Variants in NRG1 observed in about 807,000 individuals in gnomAD.
NRG1 encodes neuregulin 1.
Under a neutral mutation model 63.8 loss-of-function variants are expected in NRG1, and 18 were observed. That is an observed-to-expected ratio of 0.28 (90% confidence interval 0.19 to 0.42). The LOEUF is 0.42. Ranked by LOEUF, NRG1 falls within the 10% of genes least tolerant of loss-of-function variation. NRG1 has a pLI of 1.00. For missense variants in NRG1, 762 were observed against 814.7 expected, an observed-to-expected ratio of 0.94 and a Z score of 0.79; for synonymous variants, 302 against 301.3, an observed-to-expected ratio of 1.00 and a Z score of -0.02.
chr8:32,498,657 A>G (rs909346766), intron 1 of NRG1, among the ~76,000 whole-genome samples: 1 of 152,184 alleles, frequency 6.6e-6, no homozygotes, highest in Non-Finnish European at 1.5e-5. Flanking sequence ...ACAATTCAAG[A>G]TGAGATTTGG....
chr8:32,307,521 A>T (rs553237982), intron 1 of NRG1, among the ~76,000 whole-genome samples: 5 of 152,206 alleles, frequency 3.3e-5, no homozygotes, highest in African/African-American at 1.2e-4. Flanking sequence ...AACATTATAA[A>T]GTGTGAAAGT....
intron 1 of NRG1, among the ~76,000 whole-genome samples, chr8:32,488,732 C>T (rs1409549495): frequency 6.6e-6 from 1 of 152,180 alleles, no homozygotes; most frequent in East Asian, 1.9e-4. Flanking sequence ...ATCTATGGAA[C>T]AGGCAGGCAG....
intron 1 of NRG1, among the ~76,000 whole-genome samples, chr8:31,849,519 A>G (rs993895337): frequency 1.4e-4 from 21 of 152,232 alleles, no homozygotes; most frequent in African/African-American, 5.1e-4. Context: ...ACAGCTGTCC[A>G]CTGGACAAAT....
At chr8:32,557,644 A>C (rs897215482) in intron 1 of NRG1, among the ~76,000 whole-genome samples, 1 of 152,226 alleles carries the variant, frequency 6.6e-6, no homozygotes, top group East Asian at 1.9e-4. Flanking sequence ...TACAGAAAAT[A>C]GATTATGATT....
intron 1 of NRG1, among the ~76,000 whole-genome samples, chr8:32,233,514 A>G (rs1429260837): frequency 1.4e-5 from 2 of 143,896 alleles, no homozygotes; most frequent in African/African-American, 2.5e-5. Context: ...AAAGTGACAC[A>G]CTGTTGCTCA....
At chr8:31,697,096 A>G (rs1289913777) in intron 1 of NRG1, among the ~76,000 whole-genome samples, 1 of 152,086 alleles carries the variant, frequency 6.6e-6, no homozygotes, top group African/African-American at 2.4e-5. Flanking sequence ...CTTTTTCTGG[A>G]AAACTACTGG....
In NRG1 at chr8:32,043,795, A is replaced by C. The variant is rs142932714; in HGVS notation, c.37+404364A>C. Among the ~76,000 whole-genome samples the C allele has an allele frequency of 4.3e-3, 650 of 152,060 alleles. 4 individuals carry two copies. Among genetic ancestry groups the C allele is most frequent in the African/African-American group, 0.015 (619 of 41,556 alleles). On this transcript the variant is annotated intron_variant, in intron 1 of 10. Transcript: ENST00000519301. ...ACCACCAAAATTTTTTTTTGTATACACAAAGAGATACAGTAAAAAACCTGA... is the reference window on the plus strand; with the variant it reads ...ACCACCAAAATTTTTTTTTGTATACCCAAAGAGATACAGTAAAAAACCTGA...
intron 1 of NRG1, among the ~76,000 whole-genome samples, chr8:32,492,572 T>C (rs1826723686): frequency 1.3e-5 from 2 of 152,198 alleles, no homozygotes; most frequent in African/African-American, 4.8e-5. Context: ...TGTCCTTAAG[T>C]AACTTAGAAT....
intron 1 of NRG1, among the ~76,000 whole-genome samples, chr8:31,730,168 T>C (rs1330147067): frequency 6.6e-6 from 1 of 152,192 alleles, no homozygotes; most frequent in African/African-American, 2.4e-5. Context: ...GGAATGGAAA[T>C]CTGCATAGAC....
At chr8:32,748,770 T>A in intron 7 of NRG1, 1 of 451,628 alleles carries the variant, frequency 2.2e-6, no homozygotes, top group Non-Finnish European at 4.4e-6. Context: ...TTCCCACTTA[T>A]TTTTTTCCTT....
chr8:32,044,543 A>T (rs1310800520), intron 1 of NRG1, among the ~76,000 whole-genome samples: 1 of 151,800 alleles, frequency 6.6e-6, no homozygotes, highest in Non-Finnish European at 1.5e-5. Flanking sequence ...ATTTATGAAG[A>T]TAGACCTCAT....
Position 32,024,644 on chromosome 8 carries a change from G to A in NRG1, c.37+385213G>A, listed in dbSNP as rs573833434. On this transcript the variant is annotated intron_variant, in intron 1 of 10. Coordinates refer to the NRG1 transcript ENST00000519301. ...AATTGGCATCTCTGAGACTCCTGCG[G>A]GAGCCAGAAAGCTGGAATCAAAAAT... 8.5e-5 allele frequency among the ~76,000 whole-genome samples: 13 copies of A among 152,236 alleles called. No homozygotes were observed. The East Asian group carries it at 1.4e-3, about 16-fold the overall frequency.
exon 12 of NRG1, chr8:32,766,729 A>C (rs1831460621): frequency 6.6e-6 from 1 of 152,198 alleles, no homozygotes; most frequent in African/African-American, 2.4e-5. Flanking sequence ...AGGAAATTGT[A>C]TTTCTAACTT....
At chr8:31,773,083 C>A (rs532336804) in intron 1 of NRG1, among the ~76,000 whole-genome samples, 75 of 152,216 alleles carry the variant, frequency 4.9e-4, no homozygotes, top group Non-Finnish European at 7.5e-4. Flanking sequence ...GGTTGGAAAC[C>A]TGTAATTATT....
At chr8:32,549,558 G>T (rs1250814488) in intron 1 of NRG1, among the ~76,000 whole-genome samples, 2 of 152,158 alleles carry the variant, frequency 1.3e-5, no homozygotes, top group African/African-American at 4.8e-5. Context: ...TGATAAATAT[G>T]GATAATTTAC....
intron 1 of NRG1, among the ~76,000 whole-genome samples, chr8:32,582,215 A>C (rs142689044): frequency 0.01 from 1,594 of 151,908 alleles, 23 homozygotes; most frequent in African/African-American, 0.036. Context: ...TGCCCATCTC[A>C]GCCTCCGGAG....
intron 1 of NRG1, among the ~76,000 whole-genome samples, chr8:31,676,409 G>A (rs1267311958): frequency 6.6e-6 from 1 of 152,058 alleles, no homozygotes; most frequent in Non-Finnish European, 1.5e-5. Context: ...TCTTCCCCAA[G>A]ATTTCCTCGT....
At chr8:31,734,267 A>G (rs1814425714) in intron 1 of NRG1, among the ~76,000 whole-genome samples, 1 of 152,206 alleles carries the variant, frequency 6.6e-6, no homozygotes. Flanking sequence ...TCAAGGCTGT[A>G]GTGGACCATG....
At chr8:31,955,096 G>C (rs1355551612) in intron 1 of NRG1, among the ~76,000 whole-genome samples, 5 of 152,138 alleles carry the variant, frequency 3.3e-5, no homozygotes, top group Admixed American at 1.3e-4. Context: ...TATTAGGTTG[G>C]TGTAAAAATA....
Sources: gnomAD v4.1 joint callset for allele counts (sites outside exome capture counted in the v4.1 genomes callset) on GRCh38, gnomAD v4.1.1 for gene constraint, MANE v1.5 for transcripts, NCBI Gene and HGNC (gene_info 2026-07-23, HGNC 2026-07-21) for gene names.